SLC6A5: variants seen among roughly 807,000 people sequenced by gnomAD.
SLC6A5 encodes sodium- and chloride-dependent glycine transporter 2.
In SLC6A5, 58 loss-of-function variants were observed where a neutral mutation model predicts 90.5. The observed-to-expected ratio is 0.64, with a 90% CI of 0.52 to 0.80. SLC6A5 has a LOEUF of 0.80. Ranked by LOEUF, SLC6A5 falls within the 30% of genes least tolerant of loss-of-function variation. SLC6A5 has a pLI of 0.00. For synonymous variants in SLC6A5, 427 were observed against 401.4 expected (o/e 1.06, Z -0.76); for missense variants, 1,015 against 1,017.6 (o/e 1.00, Z 0.03).
At chr11:20,636,822 CAA>C (rs1220260380) in intron 11 of SLC6A5, among the ~76,000 whole-genome samples, 2 of 152,038 alleles carry the variant, frequency 1.3e-5, no homozygotes, top group East Asian at 3.9e-4. Context: ...TCCTTGGGTG[CAA>C]AGAGGGTTTT....
chr11:20,623,269 A>G (rs1162559702), intron 7 of SLC6A5, among the ~76,000 whole-genome samples: 1 of 150,562 alleles, frequency 6.6e-6, no homozygotes, highest in East Asian at 2.0e-4. Context: ...GGCCTTGAGT[A>G]ATTGAGTTTA....
intron 5 of SLC6A5, among the ~76,000 whole-genome samples, chr11:20,610,472 T>G (rs987028772): frequency 6.6e-6 from 1 of 152,224 alleles, no homozygotes; most frequent in South Asian, 2.1e-4. Context: ...TGCTTCACAA[T>G]TGCAACTTGG....
chr11:20,640,138 C>A (rs899547494), intron 13 of SLC6A5, among the ~76,000 whole-genome samples: 2 of 152,166 alleles, frequency 1.3e-5, no homozygotes, highest in African/African-American at 4.8e-5. Context: ...ACCTCAGCAC[C>A]TCATGGGTCA....
chr11:20,636,689 C>T (rs912586110), intron 11 of SLC6A5, among the ~76,000 whole-genome samples: 7 of 152,200 alleles, frequency 4.6e-5, no homozygotes, highest in East Asian at 1.9e-4. Flanking sequence ...CTCCTGCCTT[C>T]GTGTCATTTT....
chr11:20,627,126 T>G (rs1853013189), intron 8 of SLC6A5, among the ~76,000 whole-genome samples: 1 of 152,210 alleles, frequency 6.6e-6, no homozygotes, highest in African/African-American at 2.4e-5. Flanking sequence ...ATCACTTATC[T>G]GTTGCTAATT....
intron 13 of SLC6A5, among the ~76,000 whole-genome samples, chr11:20,641,170 T>A (rs10766709): frequency 0.99 from 151,352 of 152,266 alleles, 75,226 homozygotes; most frequent in Middle Eastern, 1. Flanking sequence ...TGAAAAAATG[T>A]TTTGCATTTT....
intron 8 of SLC6A5, 97 bp from the exon 9 acceptor site, chr11:20,627,882 TC>T: frequency 1.2e-6 from 1 of 855,614 alleles, no homozygotes; most frequent in African/African-American, 1.6e-5. Flanking sequence ...CCCTGATGTT[TC>T]CCCTGGAAAC....
intron 5 of SLC6A5, among the ~76,000 whole-genome samples, chr11:20,608,906 C>CTCTG (rs1184437340): frequency 1.4e-3 from 155 of 109,790 alleles, no homozygotes; most frequent in African/African-American, 4.5e-3. Flanking sequence ...TAGTCTCTCT[C>CTCTG]TCTGTCTGTC....
chr11:20,635,887 C>G (rs145059912), intron 10 of SLC6A5, among the ~76,000 whole-genome samples: 33 of 152,318 alleles, frequency 2.2e-4, no homozygotes, highest in Non-Finnish European at 4.0e-4. Flanking sequence ...TAAAAAATGT[C>G]TGCAGACATT....
At chr11:20,638,063 C>T (rs1853243386) in intron 12 of SLC6A5, among the ~76,000 whole-genome samples, 1 of 152,150 alleles carries the variant, frequency 6.6e-6, no homozygotes, top group Non-Finnish European at 1.5e-5. Flanking sequence ...TACCCAGAGA[C>T]ACCTAAAGGT....
chr11:20,636,318 G>A lies in SLC6A5; in HGVS notation c.1636G>A (p.Ala546Thr), dbSNP rs1291180235. 6.2e-7 allele frequency: 1 copy of A among 1,611,496 alleles called. No homozygotes were observed. ...CTTGTTCCTTCCAGGGCCAGGCATT[G>A]CATTTGTGGTTTACCCGGAAGCCTT... is the stretch of plus-strand genomic sequence containing the variant. ...ENVADQGPGIAFVVYPEALTR... is the reference protein window; with the variant it reads ...ENVADQGPGITFVVYPEALTR... The change falls in exon 11 of 16, where the codon GCA (alanine) becomes ACA (threonine). Residue 546 changes from alanine (A) to threonine (T), a missense_variant. By Grantham distance (58) the Ala-to-Thr change is moderately conservative. This residue lies in a region of SLC6A5 where 442 missense variants were observed against 494.3 expected (regional missense o/e 0.89). Coordinates refer to ENST00000525748, the MANE Select transcript of SLC6A5 (RefSeq NM_004211.5).
chr11:20,607,371 T>C, intron 4 of SLC6A5, 108 bp from the exon 5 acceptor site: 1 of 1,307,796 alleles, frequency 7.6e-7, no homozygotes. Flanking sequence ...TATTAGTGCA[T>C]CCATTCTGTA....
intron 5 of SLC6A5, among the ~76,000 whole-genome samples, chr11:20,611,532 C>G (rs901713531): frequency 4.6e-5 from 7 of 152,214 alleles, no homozygotes; most frequent in East Asian, 1.9e-4. Context: ...CTTCATCTCT[C>G]TGTCCCAGGA....
intron 13 of SLC6A5, among the ~76,000 whole-genome samples, chr11:20,642,726 A>G (rs76045920): frequency 0.038 from 5,848 of 152,268 alleles, 377 homozygotes; most frequent in African/African-American, 0.13. Flanking sequence ...TAAGATGAAA[A>G]TAGCTGTTGA....
At position 20,614,890 on chromosome 11, in the gene SLC6A5, G is replaced by A. The variant is rs111297673; in HGVS notation, c.1127+70G>A. The A allele has an allele frequency of 4.2e-5, 61 of 1,460,676 alleles. No individual in the cohort carries two copies. The African/African-American group carries it at 6.7e-4, about 16-fold the overall frequency. 90.5% of individuals were successfully genotyped at this position (1,460,676 alleles called of 1,614,324 possible). On this transcript the variant is annotated intron_variant, in intron 6 of 15. Coordinates refer to ENST00000525748, the MANE Select transcript of SLC6A5 (RefSeq NM_004211.5). ...CAGTGAATTAATAAATATTCAATTTGCAGACCAGAGGTGTGGGTAGCCCAA... is the reference window on the plus strand; with the variant it reads ...CAGTGAATTAATAAATATTCAATTTACAGACCAGAGGTGTGGGTAGCCCAA...
At chr11:20,604,459 G>T (rs1303159322) in intron 3 of SLC6A5, 35 bp downstream of exon 3, 1 of 1,608,484 alleles carries the variant, frequency 6.2e-7, no homozygotes, top group Non-Finnish European at 8.5e-7. Context: ...CTGCGGCGGG[G>T]CGGGGCGGGC....
chr11:20,631,469 T>G (rs1410160573), intron 10 of SLC6A5, among the ~76,000 whole-genome samples: 1 of 152,236 alleles, frequency 6.6e-6, no homozygotes, highest in Non-Finnish European at 1.5e-5. Flanking sequence ...TGCTTTCAAG[T>G]TGACAAAGAG....
chr11:20,604,203 C>A (rs1236921172), intron 2 of SLC6A5, 83 bp from the exon 3 acceptor site: 31 of 1,512,760 alleles, frequency 2.0e-5, no homozygotes, highest in Non-Finnish European at 2.5e-5. Context: ...CTGGGAAGGA[C>A]CCCTAGCGGG....
intron 10 of SLC6A5, among the ~76,000 whole-genome samples, chr11:20,633,344 C>G (rs1001378587): frequency 1.3e-5 from 2 of 152,208 alleles, no homozygotes; most frequent in Non-Finnish European, 2.9e-5. Context: ...CCTTACTAAT[C>G]AAAATAAGCA....
Sources: gnomAD v4.1 joint callset for allele counts (sites outside exome capture counted in the v4.1 genomes callset) on GRCh38, gnomAD v4.1.1 for gene constraint, gnomAD v4.1.1 regional missense constraint, MANE v1.5 for transcripts, NCBI Gene and HGNC (gene_info 2026-07-23, HGNC 2026-07-21) for gene names.